Variants in ZBTB5 observed in about 807,000 individuals in gnomAD.
The protein encoded by ZBTB5 is zinc finger and BTB domain-containing protein 5.
ZBTB5 carries 15 observed loss-of-function variants against 37.9 expected under a neutral mutation model. The observed-to-expected ratio is 0.40, with a 90% CI of 0.26 to 0.61. The LOEUF (loss-of-function observed/expected upper bound fraction) is 0.61. ZBTB5 is among the 20% of genes least tolerant of loss of function. The pLI, the probability that ZBTB5 is intolerant of heterozygous loss-of-function variation, is 0.47. For synonymous variants in ZBTB5, 315 were observed against 312.4 expected, an observed-to-expected ratio of 1.01 and a Z score of -0.09; for missense variants, 708 against 856.8, an observed-to-expected ratio of 0.83 and a Z score of 2.17.
Position 37,443,333 on chromosome 9 carries a change from G to GA in ZBTB5, c.-4-779dup, listed in dbSNP as rs77294273. Among the ~76,000 whole-genome samples, 755 of 113,308 alleles carry GA rather than the reference G, an allele frequency of 6.7e-3. 1 individual carries two copies. The highest frequency in any genetic ancestry group is 7.5e-3 in the African/African-American group (232 of 30,872). The allele number at this position is 113,308 out of a possible 152,430, so 74.3% of individuals were successfully genotyped here. On this transcript the variant is annotated intron_variant, in intron 1 of 1. Transcript: ENST00000307750. ...GACAGAGTGAGACTTCATCTCAAAG[G>GA]AAAAAAAAAAAAAACACTAAAGTTT...
chr9:37,442,978 G>C (rs932957646), intron 1 of ZBTB5, among the ~76,000 whole-genome samples: 4 of 152,190 alleles, frequency 2.6e-5, no homozygotes, highest in African/African-American at 9.7e-5. Flanking sequence ...ATCAATATTA[G>C]TGTGGAAGAT....
chr9:37,439,057 T>G lies in ZBTB5; in HGVS notation c.*1461A>C, dbSNP rs1283839451. 6.6e-6 allele frequency: 1 copy of G among 152,224 alleles called. No individual in the cohort carries two copies. Among genetic ancestry groups the G allele is most frequent in the East Asian group, 1.9e-4 (1 of 5,200 alleles). 9.4% of individuals were successfully genotyped at this position (152,224 alleles called of 1,614,324 possible). On this transcript the variant is annotated 3_prime_UTR_variant, in exon 2 of 2. Coordinates refer to ENST00000307750, the MANE Select transcript of ZBTB5 (RefSeq NM_014872.3). Reference sequence around the variant, plus strand: ...ATTTATCTGATTTATGAATGATGGTTTGGTATGTCTAAGAAAGCTATATAA... The same window carrying G: ...ATTTATCTGATTTATGAATGATGGTGTGGTATGTCTAAGAAAGCTATATAA...
rs377079107 is a variant in ZBTB5 at position 37,442,251 on chromosome 9, A to G, written c.301T>C (p.Leu101=). The change falls in exon 2 of 2, where the codon TTG becomes CTG. Residue 101 remains leucine (L), a synonymous_variant. Coordinates refer to ENST00000307750, the MANE Select transcript of ZBTB5 (RefSeq NM_014872.3). The part of the protein sequence containing the change: ...LGESNVMDVL[L]AASHLHLNSV... ...TTCAAATGCAGGTGAGAGGCTGCCA[A>G]TAAGACATCCATTACATTGCTCTCC... is the stretch of plus-strand genomic sequence containing the variant. The G allele has an allele frequency of 5.4e-5, 87 of 1,614,128 alleles. 3 individuals carry two copies. In the South Asian group the frequency reaches 9.0e-4, roughly 17 times the overall value.
chr9:37,451,592 T>C (rs1220042812), intron 1 of ZBTB5, among the ~76,000 whole-genome samples: 1 of 147,476 alleles, frequency 6.8e-6, no homozygotes, highest in Non-Finnish European at 1.5e-5. Context: ...GACGTGCACT[T>C]AGCAAATTTA....
chr9:37,445,758 G>A (rs1415992042), intron 1 of ZBTB5, among the ~76,000 whole-genome samples: 2 of 152,120 alleles, frequency 1.3e-5, no homozygotes, highest in Non-Finnish European at 2.9e-5. Flanking sequence ...GGATGGGACA[G>A]GGGACTGCTG....
At chr9:37,453,484 C>A (rs975251302) in intron 1 of ZBTB5, among the ~76,000 whole-genome samples, 4 of 152,202 alleles carry the variant, frequency 2.6e-5, no homozygotes, top group Non-Finnish European at 4.4e-5. Context: ...GTTTTCAGAT[C>A]TGTTACACAG....
At chr9:37,464,745 C>G (rs1824358542) in intron 1 of ZBTB5, among the ~76,000 whole-genome samples, 1 of 152,252 alleles carries the variant, frequency 6.6e-6, no homozygotes, top group African/African-American at 2.4e-5. Flanking sequence ...AACACTGGCT[C>G]CACCCCTCCA....
At chr9:37,449,299 TAAGAG>T (rs1430802784) in intron 1 of ZBTB5, among the ~76,000 whole-genome samples, 1 of 152,174 alleles carries the variant, frequency 6.6e-6, no homozygotes, top group African/African-American at 2.4e-5. Flanking sequence ...ATTTTGGCAT[TAAGAG>T]AAGACAACTG....
At chr9:37,456,747 TTCTC>T (rs914290418) in intron 1 of ZBTB5, among the ~76,000 whole-genome samples, 1 of 152,220 alleles carries the variant, frequency 6.6e-6, no homozygotes, top group African/African-American at 2.4e-5. Flanking sequence ...GAACTGTATT[TTCTC>T]TCTCTCAAAG....
intron 1 of ZBTB5, among the ~76,000 whole-genome samples, chr9:37,460,537 T>C (rs541871636): frequency 2.1e-4 from 32 of 152,216 alleles, no homozygotes; most frequent in African/African-American, 7.2e-4. Context: ...TTGGTTAACA[T>C]AGCAAAACCT....
rs754384818 is a variant in ZBTB5 at position 37,441,148 on chromosome 9, G to A, written c.1404C>T (p.Asn468=). The A allele has an allele frequency of 6.2e-7, 1 of 1,613,942 alleles. No homozygotes were observed. Among genetic ancestry groups the A allele is most frequent in the South Asian group, 1.1e-5 (1 of 91,068 alleles). The change falls in exon 2 of 2, where the codon AAC becomes AAT. Residue 468 remains asparagine (N), a synonymous_variant. Transcript: ENST00000307750. ...PSSAPGSHVE[N]PFSEPADSHF... is the part of the protein sequence containing the mutation. ...GGGAGTCTGCAGGTTCACTAAATGG[G>A]TTCTCTACATGGGAGCCAGGGGCAG...
intron 1 of ZBTB5, among the ~76,000 whole-genome samples, chr9:37,464,067 G>A (rs559761983): frequency 6.6e-6 from 1 of 152,204 alleles, no homozygotes; most frequent in African/African-American, 2.4e-5. Context: ...TTCCCATCTG[G>A]ACTTTTCCCT....
intron 1 of ZBTB5, among the ~76,000 whole-genome samples, chr9:37,461,953 G>A (rs11789336): frequency 0.011 from 1,722 of 152,168 alleles, 15 homozygotes; most frequent in South Asian, 0.023. Flanking sequence ...GCAGGAAAAC[G>A]AATTAGGAAA....
chr9:37,449,694 C>CAAAAA (rs60696023), intron 1 of ZBTB5, among the ~76,000 whole-genome samples: 5 of 50,070 alleles, frequency 1.0e-4, no homozygotes, highest in Admixed American at 2.3e-4. Context: ...ATGAGACTCT[C>CAAAAA]AAAAAAAAAA....
At position 37,450,312 on chromosome 9, in the gene ZBTB5, C is replaced by CA. The variant is rs1023741798; in HGVS notation, c.-4-7758dup. ...TTTACCCCAGACAACGAAGCTGCTT[C>CA]AAAAAAAAAGCAAGTAAGTCTTTGT... On this transcript the variant is annotated intron_variant, in intron 1 of 1. Transcript: ENST00000307750. Among the ~76,000 whole-genome samples, 36 of 150,274 alleles carry CA rather than the reference C, an allele frequency of 2.4e-4. No homozygotes were observed. The East Asian group carries it at 2.9e-3, about 12-fold the overall frequency.
At chr9:37,446,017 AGAC>A (rs886271842) in intron 1 of ZBTB5, among the ~76,000 whole-genome samples, 1 of 152,170 alleles carries the variant, frequency 6.6e-6, no homozygotes, top group Admixed American at 6.5e-5. Flanking sequence ...TAAGGTGGGA[AGAC>A]TGCTTCAGCC....
chr9:37,441,321 T>C lies in ZBTB5; in HGVS notation c.1231A>G (p.Asn411Asp). The part of the protein sequence containing the change: ...LEHKSTFSIS[N>D]FLNKSRGNNF... ...TTTCCTCTGCTCTTGTTAAGAAAAT[T>C]CGAAATACTAAAAGTGGACTTATGC... The change falls in exon 2 of 2, where the codon AAT becomes GAT. Residue 411 changes from asparagine (N) to aspartate (D), a missense_variant. By Grantham distance (23) the Asn-to-Asp change is conservative. Coordinates refer to ENST00000307750, the MANE Select transcript of ZBTB5 (RefSeq NM_014872.3). The C allele has an allele frequency of 6.2e-7, 1 of 1,614,156 alleles. No homozygotes were observed. The highest frequency in any genetic ancestry group is 8.5e-7 in the Non-Finnish European group (1 of 1,180,032).
chr9:37,445,651 A>G (rs541632188), intron 1 of ZBTB5, among the ~76,000 whole-genome samples: 92 of 152,218 alleles, frequency 6.0e-4, no homozygotes, highest in African/African-American at 1.9e-3. Flanking sequence ...GTCAAAAAAA[A>G]AAAAAGAAAA....
Position 37,441,243 on chromosome 9 carries a change from C to T in ZBTB5, c.1309G>A (p.Asp437Asn), listed in dbSNP as rs1398849260. The change falls in exon 2 of 2, where the codon GAC becomes AAC. Residue 437 changes from aspartate to asparagine, a missense_variant. Asp to Asn is a conservative substitution (Grantham distance 23). Transcript: ENST00000307750. ...NDDNIPNTTS[D>N]CRLESEAPYL... ...GGGGCCTCACTCTCCAGCCTGCAGT[C>T]ACTAGTGGTGTTTGGAATATTATCA... The T allele has an allele frequency of 1.2e-6, 2 of 1,614,196 alleles. No individual in the cohort carries two copies. Among genetic ancestry groups the T allele is most frequent in the Non-Finnish European group, 8.5e-7 (1 of 1,180,042 alleles).
Sources: allele counts gnomAD v4.1 joint callset (sites outside exome capture counted in the v4.1 genomes callset), GRCh38; gene constraint gnomAD v4.1.1; transcripts MANE v1.5; gene names NCBI Gene and HGNC (gene_info 2026-07-23, HGNC 2026-07-21).